CD99L2: variants seen among roughly 807,000 people sequenced by gnomAD.
CD99L2 encodes CD99 molecule like 2.
A neutral mutation model predicts 27.3 loss-of-function variants in CD99L2; 24 were observed. That is an observed-to-expected ratio of 0.88 (90% CI 0.64 to 1.24). The LOEUF is 1.24. Ranked by LOEUF, CD99L2 falls within the 50% of genes most tolerant of loss-of-function variation. The pLI, the probability that CD99L2 is intolerant of heterozygous loss-of-function variation, is 0.00. For missense variants in CD99L2, 255 were observed against 221.6 expected, an observed-to-expected ratio of 1.15 and a Z score of -0.96; for synonymous variants, 97 against 87.9, an observed-to-expected ratio of 1.10 and a Z score of -0.58.
chrX:150,800,924 G>C (rs961893456), intron 4 of CD99L2, among the ~76,000 whole-genome samples: 3 of 109,526 alleles, frequency 2.7e-5, no homozygotes, highest in Admixed American at 2.0e-4. Context: ...CCGGCTACTC[G>C]GGAGGCTGAG....
At chrX:150,891,313 A>T (rs781933744) in intron 1 of CD99L2, among the ~76,000 whole-genome samples, 29 of 112,296 alleles carry the variant, frequency 2.6e-4, no homozygotes, top group African/African-American at 9.0e-4. Context: ...AGGTGTGGGC[A>T]GGGCTGTGTT....
At chrX:150,818,053 T>TAATAATTTTAAATAAAAAAAAAAAAA (rs782545494) in intron 2 of CD99L2, among the ~76,000 whole-genome samples, 4,396 of 105,971 alleles carry the variant, frequency 0.041, 192 homozygotes, top group African/African-American at 0.096. Flanking sequence ...GAGGAAGACA[T>TAATAATTTTAAATAAAAAAAAAAAAA]AATAATTTTA....
At chrX:150,790,670 C>T (rs781956864) in intron 7 of CD99L2, among the ~76,000 whole-genome samples, 11 of 111,131 alleles carry the variant, frequency 9.9e-5, no homozygotes, top group South Asian at 7.6e-4. Context: ...AAATGAATGA[C>T]GGGTAGTAGG....
chrX:150,770,357 G>C lies in CD99L2; in HGVS notation c.668C>G (p.Ala223Gly), dbSNP rs1409378526. Residue 223 changes from alanine to glycine, a missense_variant, in exon 10 of 11, where the codon GCA becomes GGA. Ala to Gly is a moderately conservative substitution (Grantham distance 60). Transcript: ENST00000370377. ...FCFSIQQGLN[A>G]DYVKGENLEA... ...CAGGTTCTCTCCCTTCACGTAGTCT[G>C]CGTTGAGACCCTCTGCAAAGGGAAA... is the stretch of plus-strand genomic sequence containing the variant. 4 of 1,209,909 alleles carry C rather than the reference G, an allele frequency of 3.3e-6. No homozygotes were observed. Among genetic ancestry groups the C allele is most frequent in the Non-Finnish European group, 4.5e-6 (4 of 894,884 alleles).
intron 1 of CD99L2, among the ~76,000 whole-genome samples, chrX:150,837,706 T>C (rs1222509727): frequency 8.9e-6 from 1 of 112,354 alleles, no homozygotes; most frequent in Non-Finnish European, 1.9e-5. Flanking sequence ...TAAAGTAGTA[T>C]TGGGTTATAA....
At chrX:150,789,965 TG>T (rs1557419677) in intron 7 of CD99L2, among the ~76,000 whole-genome samples, 1 of 112,238 alleles carries the variant, frequency 8.9e-6, no homozygotes, top group Non-Finnish European at 1.9e-5. Context: ...AGCAGGTGAA[TG>T]GATAAACAAA....
In CD99L2 at chrX:150,860,856, G is replaced by A. The variant is rs781858545; in HGVS notation, c.68-29563C>T. ...TTCCATGCTCATGGACTGAAAAAAT[G>A]AATATCATTGGCCAGGCGCGGTGGC... On this transcript the variant is annotated intron_variant, in intron 1 of 10. Coordinates refer to ENST00000370377, the MANE Select transcript of CD99L2 (RefSeq NM_031462.4). Among the ~76,000 whole-genome samples the A allele has an allele frequency of 2.7e-5, 3 of 111,113 alleles. No homozygotes were observed. The South Asian group carries it at 1.1e-3, about 42-fold the overall frequency.
At chrX:150,786,063 T>C (rs1557419550) in intron 7 of CD99L2, among the ~76,000 whole-genome samples, 3 of 111,726 alleles carry the variant, frequency 2.7e-5, no homozygotes, top group African/African-American at 9.8e-5. Context: ...TAGAAGAAAC[T>C]TGACATCCCT....
chrX:150,824,417 G>GA (rs1557420814), intron 2 of CD99L2, among the ~76,000 whole-genome samples: 2 of 95,785 alleles, frequency 2.1e-5, no homozygotes, highest in Non-Finnish European at 4.2e-5. Context: ...AAGAAAAGAA[G>GA]AAGAAAAGAG....
At chrX:150,820,781 C>G (rs2124197477) in intron 2 of CD99L2, among the ~76,000 whole-genome samples, 1 of 110,800 alleles carries the variant, frequency 9.0e-6, no homozygotes, top group South Asian at 3.8e-4. Flanking sequence ...CTAAAGAATC[C>G]ACATCAATAA....
intron 4 of CD99L2, among the ~76,000 whole-genome samples, chrX:150,803,509 C>T (rs1386475602): frequency 9.0e-6 from 1 of 111,725 alleles, no homozygotes; most frequent in Non-Finnish European, 1.9e-5. Flanking sequence ...TAAAGTGGAA[C>T]AAATCACTCT....
At chrX:150,815,429 C>T (rs1025877502) in intron 3 of CD99L2, among the ~76,000 whole-genome samples, 30 of 111,791 alleles carry the variant, frequency 2.7e-4, no homozygotes, top group Non-Finnish European at 7.5e-5. Flanking sequence ...AGCTCTCTAC[C>T]GCACAGAACG....
At chrX:150,831,791 T>G (rs1484796739) in intron 1 of CD99L2, among the ~76,000 whole-genome samples, 1 of 111,586 alleles carries the variant, frequency 9.0e-6, no homozygotes, top group Non-Finnish European at 1.9e-5. Context: ...AGTCAAAAAC[T>G]GTAAAAAGAG....
Position 150,771,746 on chromosome X carries a change from G to A in CD99L2, c.656-1377C>T, listed in dbSNP as rs1361437593. 7.6e-5 allele frequency: 86 copies of A among 1,130,962 alleles called. No homozygotes were observed. In the East Asian group the frequency reaches 1.0e-3, roughly 14 times the overall value. The allele number at this position is 1,130,962 out of a possible 1,213,427, so 93.2% of individuals were successfully genotyped here. The stretch of plus-strand genomic sequence containing the variant: ...GCAAGGAAGCGCCAGAGCAGGGGGC[G>A]AATGAGGAAGCATCAAGGCTGAAGC... On this transcript the variant is annotated intron_variant, in intron 9 of 10. Coordinates refer to ENST00000370377, the MANE Select transcript of CD99L2 (RefSeq NM_031462.4).
intron 4 of CD99L2, among the ~76,000 whole-genome samples, chrX:150,798,209 AAAGGAAGGAAGGAAGGAAGGAAGG>A (rs1181934089): frequency 6.6e-5 from 1 of 15,142 alleles, no homozygotes; most frequent in African/African-American, 4.0e-4. Flanking sequence ...GGGAGGGAGG[AAAGGAAGGAAGGAAGGAAGGAAGG>A]AAGGAAGGAA....
intron 1 of CD99L2, among the ~76,000 whole-genome samples, chrX:150,862,849 AG>A (rs2046999509): frequency 9.5e-6 from 1 of 105,689 alleles, no homozygotes. Flanking sequence ...AGAGAGAGAG[AG>A]AGAGACAGAG....
chrX:150,828,818 T>C (rs2046398970), intron 2 of CD99L2: 1 of 111,681 alleles, frequency 9.0e-6, no homozygotes, highest in African/African-American at 3.3e-5. Flanking sequence ...CAAATCCACT[T>C]TGGAAAACAA....
intron 2 of CD99L2, chrX:150,816,515 G>C (rs1284246364): frequency 7.3e-6 from 1 of 136,191 alleles, no homozygotes; most frequent in African/African-American, 3.2e-5. Flanking sequence ...AGTGGAATAT[G>C]GGAGTATTTC....
At chrX:150,837,383 G>C (rs188815664) in intron 1 of CD99L2, among the ~76,000 whole-genome samples, 5 of 110,713 alleles carry the variant, frequency 4.5e-5, no homozygotes, top group African/African-American at 1.6e-4. Flanking sequence ...CTGAGTAGCT[G>C]GGATTACAGG....
Sources: allele counts gnomAD v4.1 joint callset (sites outside exome capture counted in the v4.1 genomes callset), GRCh38; gene constraint gnomAD v4.1.1; transcripts MANE v1.5; gene names NCBI Gene and HGNC (gene_info 2026-07-23, HGNC 2026-07-21).